LARGE1: variants seen among roughly 807,000 people sequenced by gnomAD.
LARGE1 encodes LARGE xylosyl- and glucuronyltransferase 1.
A neutral mutation model predicts 87.6 loss-of-function variants in LARGE1; 43 were observed. The ratio of observed to expected loss-of-function variants is 0.49; its 90% CI spans 0.38 to 0.63. LARGE1 has a LOEUF of 0.63. LARGE1 is among the 30% of genes least tolerant of loss of function. The pLI, the probability that LARGE1 is intolerant of heterozygous loss-of-function variation, is 0.00. For synonymous variants in LARGE1, 434 were observed against 394.6 expected (o/e 1.10, Z -1.18); for missense variants, 802 against 1,000.2 (o/e 0.80, Z 2.67).
intron 5 of LARGE1, among the ~76,000 whole-genome samples, chr22:33,593,156 AT>A (rs199585385): frequency 0.01 from 1,471 of 144,330 alleles, 22 homozygotes; most frequent in African/African-American, 0.036. Flanking sequence ...TGTTTTTAAA[AT>A]TTTTTTAAGT....
In LARGE1 at chr22:33,193,340, A is replaced by G. The variant is rs576662968; in HGVS notation, c.1731-26508T>C. On this transcript the variant is annotated intron_variant, in intron 11 of 11. Coordinates refer to the LARGE1 transcript ENST00000608642. ...AGGAAACCATTCAAAGAATATTGAG[A>G]AAAGCAAAAAGAGAGACAGTAAAGA... is the stretch of plus-strand genomic sequence containing the variant. Among the ~76,000 whole-genome samples, 100 of 152,320 alleles carry G rather than the reference A, an allele frequency of 6.6e-4. 1 individual carries two copies. Among genetic ancestry groups the G allele is most frequent in the African/African-American group, 1.9e-3 (79 of 41,574 alleles).
intron 6 of LARGE1, among the ~76,000 whole-genome samples, chr22:33,545,449 C>CACACACACAAA (rs1173952096): frequency 7.2e-6 from 1 of 138,588 alleles, no homozygotes; most frequent in Non-Finnish European, 1.6e-5. Flanking sequence ...CACACACACA[C>CACACACACAAA]AATTTCTTCT....
intron 11 of LARGE1, among the ~76,000 whole-genome samples, chr22:33,257,461 A>G (rs1927369149): frequency 6.6e-6 from 1 of 151,770 alleles, no homozygotes; most frequent in African/African-American, 2.4e-5. Context: ...ACAAAAACAA[A>G]AAAACAAAAA....
chr22:33,600,724 C>T (rs777177815), intron 5 of LARGE1, among the ~76,000 whole-genome samples: 3 of 152,096 alleles, frequency 2.0e-5, no homozygotes, highest in East Asian at 1.9e-4. Flanking sequence ...CAGGAGCCAG[C>T]GTCCGCAGAG....
the LARGE1 span, among the ~76,000 whole-genome samples, chr22:33,117,930 T>C: frequency 6.6e-6 from 1 of 152,170 alleles, no homozygotes; most frequent in African/African-American, 2.4e-5. Context: ...TGGGCCCATG[T>C]CAGCCTGGAA....
Position 33,847,361 on chromosome 22 carries a change from C to T in LARGE1, c.-83+72634G>A, listed in dbSNP as rs529828112. 3.3e-5 allele frequency among the ~76,000 whole-genome samples: 5 copies of T among 152,314 alleles called. No individual in the cohort carries two copies. In the South Asian group the frequency reaches 8.3e-4, roughly 25 times the overall value. On this transcript the variant is annotated intron_variant, in intron 1 of 14. Transcript: ENST00000397394. ...CATCTTCCAAAATGTTTCATGCATA[C>T]ACAAATATAGAATATTAGATATTCA...
At chr22:33,844,875 C>A (rs1019305692) in intron 1 of LARGE1, among the ~76,000 whole-genome samples, 1 of 151,984 alleles carries the variant, frequency 6.6e-6, no homozygotes, top group Non-Finnish European at 1.5e-5. Flanking sequence ...CACGCACCAC[C>A]ATGCCTGGCT....
chr22:33,635,047 G>T (rs1346478543), intron 3 of LARGE1, among the ~76,000 whole-genome samples: 2 of 152,018 alleles, frequency 1.3e-5, no homozygotes, highest in East Asian at 1.9e-4. Flanking sequence ...GAACCCGGGA[G>T]GTGGGGGCTG....
Position 33,563,805 on chromosome 22 carries a change from A to G in LARGE1, c.787+1043T>C, listed in dbSNP as rs184936024. 2.0e-5 allele frequency among the ~76,000 whole-genome samples: 3 copies of G among 152,346 alleles called. No homozygotes were observed. In the East Asian group the frequency reaches 5.8e-4, roughly 29 times the overall value. On this transcript the variant is annotated intron_variant, in intron 6 of 14. Coordinates refer to ENST00000397394, the MANE Select transcript of LARGE1 (RefSeq NM_133642.5). Reference sequence around the variant, plus strand: ...AAGTAAATTTTGATCCTGATAAGGGAAAGAGTCCCGGGGATCAAAATGTCA... The same window carrying G: ...AAGTAAATTTTGATCCTGATAAGGGGAAGAGTCCCGGGGATCAAAATGTCA...
the LARGE1 span, among the ~76,000 whole-genome samples, chr22:33,138,716 T>C: frequency 9.9e-5 from 15 of 152,172 alleles, no homozygotes; most frequent in Non-Finnish European, 1.6e-4. Flanking sequence ...ACTGCTGGGA[T>C]TGCAGGCACG....
the LARGE1 span, among the ~76,000 whole-genome samples, chr22:33,079,009 G>A: frequency 6.6e-6 from 1 of 152,166 alleles, no homozygotes; most frequent in African/African-American, 2.4e-5. Context: ...CATGGATGCT[G>A]GAGCTGGATG....
chr22:33,493,011 C>G (rs923514372), intron 6 of LARGE1, among the ~76,000 whole-genome samples: 1 of 151,976 alleles, frequency 6.6e-6, no homozygotes, highest in Non-Finnish European at 1.5e-5. Context: ...TCAGAGTATC[C>G]CATTAAATTC....
At chr22:33,884,373 C>T (rs531141325) in intron 1 of LARGE1, among the ~76,000 whole-genome samples, 18 of 152,384 alleles carry the variant, frequency 1.2e-4, no homozygotes, top group African/African-American at 4.3e-4. Context: ...GTGCTCTTCA[C>T]ACACTGCTAT....
chr22:33,324,962 C>T (rs1264653608), intron 10 of LARGE1, among the ~76,000 whole-genome samples: 1 of 152,132 alleles, frequency 6.6e-6, no homozygotes, highest in Non-Finnish European at 1.5e-5. Context: ...AGACTCACAT[C>T]AACTCTACAG....
intron 6 of LARGE1, among the ~76,000 whole-genome samples, chr22:33,446,182 G>A (rs1407543096): frequency 2.6e-5 from 4 of 152,178 alleles, no homozygotes; most frequent in Non-Finnish European, 4.4e-5. Flanking sequence ...AGAGCTACTG[G>A]GTAGAAACAC....
chr22:33,419,499 C>T (rs1323266045), intron 7 of LARGE1, among the ~76,000 whole-genome samples: 1 of 152,088 alleles, frequency 6.6e-6, no homozygotes, highest in Admixed American at 6.5e-5. Flanking sequence ...ATGCTCATTC[C>T]AGCTCTCAGC....
chr22:33,730,267 T>C (rs904284255), intron 2 of LARGE1, among the ~76,000 whole-genome samples: 1 of 152,226 alleles, frequency 6.6e-6, no homozygotes, highest in Non-Finnish European at 1.5e-5. Flanking sequence ...TCCTCTCTAG[T>C]TTACTTCACT....
intron 3 of LARGE1, among the ~76,000 whole-genome samples, chr22:33,635,720 T>G (rs2080248886): frequency 3.3e-5 from 5 of 152,156 alleles, no homozygotes. Context: ...AAGCCCACAG[T>G]AATGGCCTCA....
At chr22:33,757,318 TC>T (rs2084553265) in intron 2 of LARGE1, among the ~76,000 whole-genome samples, 1 of 152,160 alleles carries the variant, frequency 6.6e-6, no homozygotes, top group African/African-American at 2.4e-5. Context: ...GTGTCATAAT[TC>T]CCCTTAATCG....
Sources: gnomAD v4.1 joint callset for allele counts (sites outside exome capture counted in the v4.1 genomes callset) on GRCh38, gnomAD v4.1.1 for gene constraint, MANE v1.5 for transcripts, NCBI Gene and HGNC (gene_info 2026-07-23, HGNC 2026-07-21) for gene names.